CERKL: variants seen among roughly 807,000 people sequenced by gnomAD.
CERKL encodes ceramide kinase-like protein.
A neutral mutation model predicts 63.4 loss-of-function variants in CERKL; 61 were observed. That is an observed-to-expected ratio of 0.96 (90% confidence interval 0.78 to 1.19). CERKL has a LOEUF of 1.19. CERKL is among the 50% of genes most tolerant of loss of function. The pLI is 0.00. For missense variants in CERKL, 675 were observed against 655.5 expected, an observed-to-expected ratio of 1.03 and a Z score of -0.33; for synonymous variants, 250 against 230.5, an observed-to-expected ratio of 1.08 and a Z score of -0.77.
chr2:181,573,684 A>T, intron 3 of CERKL, 69 bp downstream of exon 3: 1 of 1,460,630 alleles, frequency 6.8e-7, no homozygotes, highest in Non-Finnish European at 9.5e-7. Flanking sequence ...TGCATTAAGG[A>T]CAAATTCAGA....
At chr2:181,585,971 G>A (rs1438341776) in intron 2 of CERKL, among the ~76,000 whole-genome samples, 5 of 152,060 alleles carry the variant, frequency 3.3e-5, no homozygotes, top group Non-Finnish European at 1.5e-5. Context: ...ACAAGAGAAA[G>A]GAAAATGCAA....
At chr2:181,579,657 T>C (rs909342068) in intron 2 of CERKL, among the ~76,000 whole-genome samples, 1 of 151,942 alleles carries the variant, frequency 6.6e-6, no homozygotes, top group Non-Finnish European at 1.5e-5. Context: ...GGGCTTTGTA[T>C]GATATTTAAG....
chr2:181,571,003 C>A (rs1185576364), intron 3 of CERKL, among the ~76,000 whole-genome samples: 1 of 152,006 alleles, frequency 6.6e-6, no homozygotes, highest in African/African-American at 2.4e-5. Flanking sequence ...AGTACGAATT[C>A]GATCTTACTA....
chr2:181,571,247 C>T (rs1688890529), intron 3 of CERKL, among the ~76,000 whole-genome samples: 1 of 151,992 alleles, frequency 6.6e-6, no homozygotes, highest in Admixed American at 6.6e-5. Flanking sequence ...TATAAATTTG[C>T]CTGTAGGAGG....
chr2:181,577,568 G>C (rs897132814), intron 2 of CERKL, among the ~76,000 whole-genome samples: 1 of 152,152 alleles, frequency 6.6e-6, no homozygotes, highest in Non-Finnish European at 1.5e-5. Flanking sequence ...GAAATACTTA[G>C]AAAGGAGGTT....
chr2:181,584,959 C>G (rs1001182579), intron 2 of CERKL, among the ~76,000 whole-genome samples: 1 of 151,584 alleles, frequency 6.6e-6, no homozygotes. Context: ...GACTTTCTTG[C>G]TCAATTCTTT....
At chr2:181,606,207 G>T (rs1685672166) in intron 1 of CERKL, among the ~76,000 whole-genome samples, 1 of 117,660 alleles carries the variant, frequency 8.5e-6, no homozygotes, top group Non-Finnish European at 1.6e-5. Context: ...GAAAGGAAAA[G>T]AAAGACAGGA....
chr2:181,616,111 G>A (rs564381923), intron 1 of CERKL, among the ~76,000 whole-genome samples: 20 of 151,560 alleles, frequency 1.3e-4, no homozygotes, highest in African/African-American at 4.8e-4. Flanking sequence ...ATGTGTAAAT[G>A]GCTGAGATAC....
chr2:181,639,708 A>T, intron 1 of CERKL, among the ~76,000 whole-genome samples: 1 of 152,196 alleles, frequency 6.6e-6, no homozygotes, highest in East Asian at 1.9e-4. Context: ...CAGGCTCTGG[A>T]GTCAGACTGC....
At chr2:181,579,908 C>CT in intron 2 of CERKL, among the ~76,000 whole-genome samples, 1 of 151,674 alleles carries the variant, frequency 6.6e-6, no homozygotes, top group Non-Finnish European at 1.5e-5. Context: ...GTTTGGATCT[C>CT]TTTCTGCACT....
At chr2:181,560,041 A>G (rs895621802) in intron 4 of CERKL, among the ~76,000 whole-genome samples, 7 of 152,210 alleles carry the variant, frequency 4.6e-5, no homozygotes, top group African/African-American at 1.4e-4. Flanking sequence ...GACAAACTAT[A>G]TATCAGGTAA....
intron 12 of CERKL, among the ~76,000 whole-genome samples, chr2:181,538,461 A>G (rs146253958): frequency 1.3e-5 from 2 of 152,230 alleles, no homozygotes; most frequent in Admixed American, 6.6e-5. Flanking sequence ...TGATTGTCCA[A>G]TGCTCTCCAT....
At chr2:181,623,124 G>A (rs1364462357) in intron 1 of CERKL, among the ~76,000 whole-genome samples, 1 of 152,144 alleles carries the variant, frequency 6.6e-6, no homozygotes. Context: ...CGTTCCATAA[G>A]TCATACTTAA....
intron 1 of CERKL, among the ~76,000 whole-genome samples, chr2:181,612,762 T>A (rs535535881): frequency 5.3e-5 from 8 of 152,150 alleles, no homozygotes; most frequent in Non-Finnish European, 1.2e-4. Flanking sequence ...TATTTTTTGC[T>A]GTTTTATTAC....
intron 2 of CERKL, among the ~76,000 whole-genome samples, chr2:181,582,583 G>C (rs1684569091): frequency 1.3e-5 from 2 of 149,506 alleles, no homozygotes; most frequent in South Asian, 2.1e-4. Flanking sequence ...CCAGGCTGAA[G>C]TGCAGTGGCT....
intron 1 of CERKL, among the ~76,000 whole-genome samples, chr2:181,608,773 G>A (rs1030374900): frequency 6.6e-6 from 1 of 152,114 alleles, no homozygotes; most frequent in Admixed American, 6.5e-5. Context: ...GATTTAAGGG[G>A]AAAGGAGGAG....
At position 181,558,731 on chromosome 2, in the gene CERKL, A is replaced by G; in HGVS notation, c.678-23T>C. On this transcript the variant is annotated intron_variant, in intron 4 of 12. Coordinates refer to ENST00000410087, the MANE Select transcript of CERKL (RefSeq NM_201548.5). This position sits in a 1 kb window ranked among gnomAD's most constrained non-coding sequence, Gnocchi z 4.2. ...ACACTAGAAAAATACAAATCAAGCA[A>G]AGAAGGCAAAACTTCAGAATGATTG... is the stretch of plus-strand genomic sequence containing the variant. 1 of 1,612,632 alleles carries G rather than the reference A, an allele frequency of 6.2e-7. No homozygotes were observed. The highest frequency in any genetic ancestry group is 8.5e-7 in the Non-Finnish European group (1 of 1,179,080).
intron 6 of CERKL, 32 bp downstream of exon 6, chr2:181,549,602 T>C: frequency 6.7e-7 from 1 of 1,497,848 alleles, no homozygotes; most frequent in Non-Finnish European, 9.3e-7. Context: ...CATTTCCTTA[T>C]AAAATATGAA....
intron 3 of CERKL, 145 bp from the exon 4 acceptor site, chr2:181,566,266 T>C (rs962540488): frequency 2.0e-5 from 14 of 698,020 alleles, no homozygotes; most frequent in African/African-American, 3.5e-5. Flanking sequence ...ATTTTAATCA[T>C]GGGCAAGAGG....
Sources: allele counts gnomAD v4.1 joint callset (sites outside exome capture counted in the v4.1 genomes callset), GRCh38; gene constraint gnomAD v4.1.1; non-coding constraint Gnocchi (gnomAD v3.1); transcripts MANE v1.5; gene names NCBI Gene and HGNC (gene_info 2026-07-23, HGNC 2026-07-21).